SEC24B: variants seen among roughly 807,000 people sequenced by gnomAD.
SEC24B encodes the protein SEC24 homolog B, COPII component.
SEC24B carries 45 observed loss-of-function variants against 142.8 expected under a neutral mutation model. That is an observed-to-expected ratio of 0.32 (90% CI 0.25 to 0.40). SEC24B has a LOEUF of 0.40. Among genes scored for constraint, SEC24B ranks in the 10% least tolerant of loss-of-function variants. The pLI is 1.00. For missense variants in SEC24B, 1,409 were observed against 1,526.8 expected, an observed-to-expected ratio of 0.92 and a Z score of 1.29; for synonymous variants, 574 against 568.2, an observed-to-expected ratio of 1.01 and a Z score of -0.15.
chr4:109,492,471 A>G (rs999497058), intron 5 of SEC24B, among the ~76,000 whole-genome samples: 5 of 152,184 alleles, frequency 3.3e-5, no homozygotes, highest in African/African-American at 7.2e-5. Context: ...CTAGTGTAGT[A>G]TAGTTGAAAG....
chr4:109,512,312 A>G (rs1005638185), intron 9 of SEC24B, among the ~76,000 whole-genome samples: 2 of 152,208 alleles, frequency 1.3e-5, no homozygotes, highest in Non-Finnish European at 2.9e-5. Context: ...AGAAAAATAG[A>G]AACAGTGACA....
At chr4:109,473,827 G>C (rs934248084) in intron 3 of SEC24B, among the ~76,000 whole-genome samples, 1 of 152,082 alleles carries the variant, frequency 6.6e-6, no homozygotes, top group Non-Finnish European at 1.5e-5. Context: ...CCAAAGTATT[G>C]ATGTTTCAGG....
Position 109,462,942 on chromosome 4 carries a change from T to G in SEC24B, c.175T>G (p.Leu59Val). Residue 59 changes from leucine to valine, a missense_variant, in exon 2 of 24, where the codon TTG (leucine) becomes GTG (valine). Transcript: ENST00000265175. ...NQMQVPSGYG[L>V]HHQNYIAPSG... ...AATGCAGGTTCCATCTGGATATGGA[T>G]TGCATCATCAAAACTATATTGCTCC... 1.2e-6 allele frequency: 2 copies of G among 1,612,610 alleles called. No individual in the cohort carries two copies. Among genetic ancestry groups the G allele is most frequent in the Non-Finnish European group, 1.7e-6 (2 of 1,180,002 alleles).
intron 1 of SEC24B, among the ~76,000 whole-genome samples, chr4:109,435,146 T>C (rs2125884435): frequency 6.6e-6 from 1 of 152,346 alleles, no homozygotes; most frequent in East Asian, 1.9e-4. Context: ...AACATCTAAG[T>C]TTTACAACTG....
intron 3 of SEC24B, among the ~76,000 whole-genome samples, chr4:109,478,924 A>G (rs1733448995): frequency 1.3e-5 from 2 of 152,332 alleles, no homozygotes; most frequent in Admixed American, 6.5e-5. Context: ...TCTAGTGTGT[A>G]CACCTAGTTT....
intron 18 of SEC24B, among the ~76,000 whole-genome samples, chr4:109,528,037 G>A (rs184312950): frequency 1.7e-4 from 26 of 152,214 alleles, no homozygotes; most frequent in African/African-American, 6.0e-4. Context: ...GGAATGAACT[G>A]TCAATACTTA....
At chr4:109,528,061 G>A (rs548082630) in intron 18 of SEC24B, among the ~76,000 whole-genome samples, 1 of 152,200 alleles carries the variant, frequency 6.6e-6, no homozygotes, top group South Asian at 2.1e-4. Context: ...AAACATGGAT[G>A]CCTCTCAAAG....
At chr4:109,439,551 G>A (rs1458769275) in intron 1 of SEC24B, among the ~76,000 whole-genome samples, 3 of 113,244 alleles carry the variant, frequency 2.6e-5, no homozygotes, top group African/African-American at 1.0e-4. Context: ...TGACCAGGCT[G>A]GAATACAATG....
rs562083689 is a variant in SEC24B, at chr4:109,496,634, G to A, written c.1488+1778G>A. Among the ~76,000 whole-genome samples, 4 of 152,274 alleles carry A rather than the reference G, an allele frequency of 2.6e-5. No homozygotes were observed. In the East Asian group the frequency reaches 7.7e-4, roughly 29 times the overall value. On this transcript the variant is annotated intron_variant, in intron 6 of 23. Coordinates refer to ENST00000265175, the MANE Select transcript of SEC24B (RefSeq NM_006323.5). ...ATCTTGCCTGGGTGACATACCAAGAGCCCATCTTGAGCAGGGGTGGGGCAA... is the reference window on the plus strand; with the variant it reads ...ATCTTGCCTGGGTGACATACCAAGAACCCATCTTGAGCAGGGGTGGGGCAA...
intron 12 of SEC24B, among the ~76,000 whole-genome samples, chr4:109,520,689 G>C (rs1432058614): frequency 6.6e-6 from 1 of 152,120 alleles, no homozygotes; most frequent in Admixed American, 6.6e-5. Flanking sequence ...TACAGAGTGT[G>C]TATATTTAAT....
intron 4 of SEC24B, among the ~76,000 whole-genome samples, chr4:109,490,853 C>T (rs1734950925): frequency 2.0e-5 from 3 of 151,966 alleles, no homozygotes; most frequent in Non-Finnish European, 4.4e-5. Context: ...CAGATAGCAA[C>T]CTAAGCCACA....
chr4:109,523,106 G>A (rs1007697932), intron 14 of SEC24B, among the ~76,000 whole-genome samples: 1 of 152,112 alleles, frequency 6.6e-6, no homozygotes, highest in Non-Finnish European at 1.5e-5. Flanking sequence ...AAGAGGCTGA[G>A]GCTAGAGGAT....
chr4:109,461,403 T>C (rs1731242780), intron 1 of SEC24B, among the ~76,000 whole-genome samples: 1 of 152,196 alleles, frequency 6.6e-6, no homozygotes, highest in Non-Finnish European at 1.5e-5. Context: ...ATCATAAAAG[T>C]TGACCTCATA....
intron 1 of SEC24B, among the ~76,000 whole-genome samples, chr4:109,455,870 T>C (rs141428147): frequency 1.6e-3 from 250 of 152,328 alleles, no homozygotes; most frequent in Middle Eastern, 6.8e-3. Flanking sequence ...TTAGTAACTT[T>C]GTATTACTAT....
rs138679114 is a variant in SEC24B at position 109,469,972 on chromosome 4, G to T, written c.878-3032G>T. 2.9e-3 allele frequency among the ~76,000 whole-genome samples: 435 copies of T among 152,232 alleles called. 2 individuals are homozygous for T. Among genetic ancestry groups the T allele is most frequent in the African/African-American group, 1.0e-2 (414 of 41,544 alleles). ...AACCAAAAGAAAAATACTTGAATAG[G>T]CATTGCACAGAAGATGAAATGAAAA... On this transcript the variant is annotated intron_variant, in intron 2 of 23. Coordinates refer to ENST00000265175, the MANE Select transcript of SEC24B (RefSeq NM_006323.5).
Position 109,494,870 on chromosome 4 carries a change from C to T in SEC24B, c.1488+14C>T, listed in dbSNP as rs1237190392. On this transcript the variant is annotated intron_variant, in intron 6 of 23. Transcript: ENST00000265175. ...CAGTATCCTCAAGTATGTATTCAGT[C>T]ATATACACACATTGTAACAGTTATA... The T allele has an allele frequency of 1.2e-6, 2 of 1,612,490 alleles. No homozygotes were observed. The highest frequency in any genetic ancestry group is 1.7e-6 in the Non-Finnish European group (2 of 1,178,800).
At chr4:109,516,488 G>C (rs773114673) in intron 10 of SEC24B, 40 bp from the exon 11 acceptor site, 1 of 1,227,686 alleles carries the variant, frequency 8.1e-7, no homozygotes, top group Non-Finnish European at 1.2e-6. Flanking sequence ...AGAATAAATT[G>C]TACCTACCAA....
intron 1 of SEC24B, among the ~76,000 whole-genome samples, chr4:109,452,508 C>T (rs1251692802): frequency 6.6e-6 from 1 of 152,180 alleles, no homozygotes. Context: ...GATTATTTTT[C>T]AGGGTGGCTA....
chr4:109,500,326 C>T (rs1735984566), intron 6 of SEC24B, among the ~76,000 whole-genome samples: 1 of 151,870 alleles, frequency 6.6e-6, no homozygotes, highest in Admixed American at 6.6e-5. Context: ...GGTGGATCAC[C>T]TGAGGTCAGG....
Sources: allele counts gnomAD v4.1 joint callset (sites outside exome capture counted in the v4.1 genomes callset), GRCh38; gene constraint gnomAD v4.1.1; transcripts MANE v1.5; gene names NCBI Gene and HGNC (gene_info 2026-07-23, HGNC 2026-07-21).